WDR44: variants seen among roughly 807,000 people sequenced by gnomAD.
WDR44 encodes the protein WD repeat-containing protein 44.
A neutral mutation model predicts 65.7 loss-of-function variants in WDR44; 9 were observed. That is an observed-to-expected ratio of 0.14 (90% CI 0.08 to 0.24). The LOEUF (loss-of-function observed/expected upper bound fraction) is 0.24, where lower values mean the gene tolerates loss of function less well. Among genes scored for constraint, WDR44 ranks in the 10% least tolerant of loss-of-function variants. WDR44 has a pLI of 1.00. For missense variants in WDR44, 425 were observed against 670.9 expected (o/e 0.63, Z 4.05); for synonymous variants, 220 against 235.2 (o/e 0.94, Z 0.59).
At chrX:118,361,677 G>A (rs778703068) in intron 1 of WDR44, among the ~76,000 whole-genome samples, 1 of 111,636 alleles carries the variant, frequency 9.0e-6, no homozygotes, top group East Asian at 2.8e-4. Context: ...GATCACTTGA[G>A]CCTGAGAGGC....
intron 4 of WDR44, 50 bp downstream of exon 4, chrX:118,393,321 G>A (rs751141828): frequency 1.1e-5 from 12 of 1,136,164 alleles, no homozygotes; most frequent in African/African-American, 7.3e-5. Context: ...AGTGGCTCAC[G>A]CCTGTAATCC....
At chrX:118,414,676 C>G (rs774755496) in intron 12 of WDR44, among the ~76,000 whole-genome samples, 1 of 111,498 alleles carries the variant, frequency 9.0e-6, no homozygotes, top group African/African-American at 3.3e-5. Context: ...TTTGATTCTT[C>G]GCTTGGTTGC....
In WDR44 at chrX:118,379,626, T is replaced by A. The variant is rs186828049; in HGVS notation, c.111+1174T>A. ...TGAAGAATTACCAGGGAATGAGAAA[T>A]ACAAAATTTAGGATATCGGTCATTC... On this transcript the variant is annotated intron_variant, in intron 2 of 19. Transcript: ENST00000254029. 1.4e-4 allele frequency among the ~76,000 whole-genome samples: 16 copies of A among 111,355 alleles called. No homozygotes were observed. The South Asian group carries it at 3.1e-3, about 21-fold the overall frequency.
intron 4 of WDR44, 53 bp from the exon 5 acceptor site, chrX:118,394,001 AC>A: frequency 9.1e-7 from 1 of 1,094,421 alleles, no homozygotes; most frequent in Non-Finnish European, 1.2e-6. Flanking sequence ...CAGGGTTGTT[AC>A]AAGAATCAAA....
intron 1 of WDR44, among the ~76,000 whole-genome samples, chrX:118,364,194 A>G (rs751241509): frequency 8.9e-6 from 1 of 112,768 alleles, no homozygotes; most frequent in East Asian, 2.8e-4. Context: ...ATGACAGTCT[A>G]CAATATCCAT....
chrX:118,443,475 C>T (rs775391987), intron 17 of WDR44, 85 bp from the exon 18 acceptor site: 69 of 1,078,131 alleles, frequency 6.4e-5, no homozygotes, highest in Non-Finnish European at 8.2e-5. Flanking sequence ...TTAGGTATCA[C>T]AAAGTAGGAA....
intron 1 of WDR44, among the ~76,000 whole-genome samples, chrX:118,376,182 C>T (rs1241677251): frequency 8.9e-6 from 1 of 111,768 alleles, no homozygotes; most frequent in East Asian, 2.8e-4. Flanking sequence ...AAGCAATCCT[C>T]CCGCCTTGGC....
In WDR44 at chrX:118,346,405, T is replaced by C. The variant is rs767864754; in HGVS notation, c.-99T>C. 2 of 742,742 alleles carry C rather than the reference T, an allele frequency of 2.7e-6. No homozygotes were observed. The highest frequency in any genetic ancestry group is 2.1e-6 in the Non-Finnish European group (1 of 477,812). 61.2% of individuals were successfully genotyped at this position (742,742 alleles called of 1,213,427 possible). Reference sequence around the variant, plus strand: ...TCCCTCAGCCTCGCCCGAGACCCACTTCCCCAGTCTCGCCCGGGTGGAGGT... The same window carrying C: ...TCCCTCAGCCTCGCCCGAGACCCACCTCCCCAGTCTCGCCCGGGTGGAGGT... On this transcript the variant is annotated 5_prime_UTR_variant, in exon 1 of 20. Transcript: ENST00000254029.
At chrX:118,405,751 CAA>C (rs1292138854) in intron 9 of WDR44, among the ~76,000 whole-genome samples, 2 of 111,564 alleles carry the variant, frequency 1.8e-5, no homozygotes, top group African/African-American at 6.5e-5. Flanking sequence ...TAAAAAATAA[CAA>C]TGCAACAATA....
At chrX:118,448,728 C>G (rs2057368210) in intron 19 of WDR44, among the ~76,000 whole-genome samples, 165 bp from the exon 20 acceptor site, 1 of 111,462 alleles carries the variant, frequency 9.0e-6, no homozygotes, top group Admixed American at 9.7e-5. Context: ...AGGAGAGATT[C>G]AGCAGAATGA....
chrX:118,419,438 CAG>C (rs1160367213), intron 12 of WDR44, among the ~76,000 whole-genome samples: 2 of 111,217 alleles, frequency 1.8e-5, no homozygotes, highest in African/African-American at 6.6e-5. Flanking sequence ...ATCCTGCAAA[CAG>C]ACGTTCAGTT....
chrX:118,390,896 G>C (rs995127380), intron 3 of WDR44, among the ~76,000 whole-genome samples: 6 of 111,981 alleles, frequency 5.4e-5, no homozygotes, highest in African/African-American at 1.9e-4. Context: ...TTTTAAGTAA[G>C]ACCTGGATTT....
At position 118,445,516 on chromosome X, in the gene WDR44, G is replaced by A. The variant is rs774351090; in HGVS notation, c.2647+1022G>A. On this transcript the variant is annotated intron_variant, in intron 19 of 19. Coordinates refer to ENST00000254029, the MANE Select transcript of WDR44 (RefSeq NM_019045.5). ...CATAGTAGGTGCTTGATGAACATGT[G>A]CTGACTAAATGAATTAAACCCAAAT... 3.6e-5 allele frequency among the ~76,000 whole-genome samples: 4 copies of A among 112,149 alleles called. No homozygotes were observed. In the South Asian group the frequency reaches 1.5e-3, roughly 41 times the overall value.
At chrX:118,424,497 T>G (rs946529682) in intron 12 of WDR44, among the ~76,000 whole-genome samples, 5 of 108,000 alleles carry the variant, frequency 4.6e-5, no homozygotes, top group Non-Finnish European at 1.9e-5. Context: ...TGGAGAAATG[T>G]CTATTTAGGT....
chrX:118,360,681 C>T (rs770671893), intron 1 of WDR44, among the ~76,000 whole-genome samples: 1 of 112,249 alleles, frequency 8.9e-6, no homozygotes, highest in African/African-American at 3.2e-5. Flanking sequence ...ATCCTAGCGC[C>T]TTCTTTGTAC....
At chrX:118,354,936 CAA>C (rs1181675826) in intron 1 of WDR44, among the ~76,000 whole-genome samples, 1 of 111,841 alleles carries the variant, frequency 8.9e-6, no homozygotes, top group Non-Finnish European at 1.9e-5. Context: ...TAAGCAAGCT[CAA>C]GAGAAGAGGT....
intron 12 of WDR44, among the ~76,000 whole-genome samples, chrX:118,424,337 A>ATATATATATATATATATATG (rs2057137522): frequency 1.1e-5 from 1 of 89,312 alleles, no homozygotes; most frequent in African/African-American, 5.0e-5. Flanking sequence ...ATATATATAT[A>ATATATATATATATATATATG]TATATATATA....
intron 12 of WDR44, among the ~76,000 whole-genome samples, chrX:118,429,919 A>T (rs6645493): frequency 9.1e-6 from 1 of 110,116 alleles, no homozygotes; most frequent in Non-Finnish European, 1.9e-5. Flanking sequence ...CTGGGATTAC[A>T]GGAGTGAACC....
At chrX:118,416,428 A>G (rs36012598) in intron 12 of WDR44, among the ~76,000 whole-genome samples, 29,532 of 110,730 alleles carry the variant, frequency 0.27, 3,193 homozygotes, top group African/African-American at 0.39. Flanking sequence ...TTCCATCTTG[A>G]TTTCATTTTT....
Sources: gnomAD v4.1 joint callset for allele counts (sites outside exome capture counted in the v4.1 genomes callset) on GRCh38, gnomAD v4.1.1 for gene constraint, MANE v1.5 for transcripts, NCBI Gene and HGNC (gene_info 2026-07-23, HGNC 2026-07-21) for gene names.